The following CAPZA1 variants were observed in gnomAD, a reference collection of about 807,000 sequenced individuals.
CAPZA1 encodes capping actin protein of muscle Z-line subunit alpha 1, also known as F-actin-capping protein subunit alpha-1.
Under a neutral mutation model 40.8 loss-of-function variants are expected in CAPZA1, and 10 were observed. The ratio of observed to expected loss-of-function variants is 0.25; its 90% confidence interval spans 0.15 to 0.42. CAPZA1 has a LOEUF of 0.42. Ranked by LOEUF, CAPZA1 falls within the 10% of genes least tolerant of loss-of-function variation. The pLI is 1.00. For missense variants in CAPZA1, 277 were observed against 353.8 expected, an observed-to-expected ratio of 0.78 and a Z score of 1.74; for synonymous variants, 98 against 115.0, an observed-to-expected ratio of 0.85 and a Z score of 0.95.
chr1:112,645,912 G>A (rs1254824032), intron 1 of CAPZA1, among the ~76,000 whole-genome samples: 1 of 151,454 alleles, frequency 6.6e-6, no homozygotes, highest in African/African-American at 2.4e-5. Flanking sequence ...AGTGAGCTAT[G>A]ATCACACCAC....
intron 1 of CAPZA1, among the ~76,000 whole-genome samples, chr1:112,625,619 C>T (rs1481514475): frequency 2.0e-5 from 3 of 152,140 alleles, no homozygotes; most frequent in African/African-American, 7.2e-5. Flanking sequence ...CAGTGATTGA[C>T]ATAAGAAAGT....
At chr1:112,646,364 G>T (rs1334158772) in intron 1 of CAPZA1, among the ~76,000 whole-genome samples, 2 of 152,296 alleles carry the variant, frequency 1.3e-5, no homozygotes, top group African/African-American at 4.8e-5. Context: ...AGGATCACCT[G>T]AACCTAGGAG....
chr1:112,646,230 C>G (rs1267196074), intron 1 of CAPZA1, among the ~76,000 whole-genome samples: 4 of 152,254 alleles, frequency 2.6e-5, no homozygotes, highest in Admixed American at 2.0e-4. Context: ...CTTGTGCCCT[C>G]TAATACAGTG....
At chr1:112,645,450 C>A (rs1671261111) in intron 1 of CAPZA1, among the ~76,000 whole-genome samples, 1 of 151,850 alleles carries the variant, frequency 6.6e-6, no homozygotes, top group South Asian at 2.1e-4. Context: ...TATAGTGAGA[C>A]CCTCTCTCTG....
At chr1:112,642,652 T>A (rs1671195177) in intron 1 of CAPZA1, among the ~76,000 whole-genome samples, 1 of 152,176 alleles carries the variant, frequency 6.6e-6, no homozygotes, top group South Asian at 2.1e-4. Context: ...TTATCCAGTC[T>A]TCGGTCTTTA....
intron 1 of CAPZA1, among the ~76,000 whole-genome samples, chr1:112,624,475 G>A (rs992854373): frequency 6.6e-6 from 1 of 151,858 alleles, no homozygotes; most frequent in Non-Finnish European, 1.5e-5. Flanking sequence ...AGGTGTGGTG[G>A]TGCATGTCTG....
chr1:112,649,593 A>G lies in CAPZA1; in HGVS notation c.155+124A>G, dbSNP rs116829342. ...CAAAGTAAAGCAGTTGGTTTTAGCA[A>G]TTTTCGTTGTTTTTTTTAATTGGAG... On this transcript the variant is annotated intron_variant, in intron 3 of 9. Transcript: ENST00000263168. 1.8e-3 allele frequency: 1,397 copies of G among 785,414 alleles called. 10 individuals are homozygous for G. The African/African-American group carries it at 0.019, about 10-fold the overall frequency. 48.7% of individuals were successfully genotyped at this position (785,414 alleles called of 1,614,324 possible).
At chr1:112,659,481 A>T (rs188628530) in intron 6 of CAPZA1, 60 of 550,826 alleles carry the variant, frequency 1.1e-4, no homozygotes, top group Non-Finnish European at 1.9e-4. Context: ...GAAAGACAAA[A>T]TAACTTAGAA....
intron 1 of CAPZA1, among the ~76,000 whole-genome samples, chr1:112,632,321 C>CA (rs1455982169): frequency 6.6e-6 from 1 of 152,024 alleles, no homozygotes; most frequent in Non-Finnish European, 1.5e-5. Flanking sequence ...AAGACTATTA[C>CA]AATAGGGGAG....
intron 1 of CAPZA1, among the ~76,000 whole-genome samples, chr1:112,627,615 C>T (rs1397086532): frequency 8.2e-5 from 9 of 109,456 alleles, no homozygotes; most frequent in African/African-American, 2.6e-4. Context: ...CTGGCCTGGC[C>T]GACAGTGCGA....
At chr1:112,667,674 C>A (rs968192013) in intron 8 of CAPZA1, among the ~76,000 whole-genome samples, 1 of 151,972 alleles carries the variant, frequency 6.6e-6, no homozygotes, top group Admixed American at 6.6e-5. Context: ...GCTGGGACCA[C>A]AGGTGCATGC....
In CAPZA1 at chr1:112,670,734, T is replaced by TG. The variant is rs1671814167; in HGVS notation, c.*606dup. 6.5e-6 allele frequency: 1 copy of TG among 152,694 alleles called. No homozygotes were observed. Among genetic ancestry groups the TG allele is most frequent in the South Asian group, 2.1e-4 (1 of 4,830 alleles). The allele number at this position is 152,694 out of a possible 1,614,324, so 9.5% of individuals were successfully genotyped here. A position where few individuals can be genotyped will look rare whatever the true frequency, so the allele number is the denominator to read the frequency against. On this transcript the variant is annotated 3_prime_UTR_variant, in exon 10 of 10. Coordinates refer to ENST00000263168, the MANE Select transcript of CAPZA1 (RefSeq NM_006135.3). Reference sequence around the variant, plus strand: ...AGGGCAAAGGAAGTGCCAGCTTCTCTGGGGAACTTGTTTTTAAATCCAAAG... The same window carrying TG: ...AGGGCAAAGGAAGTGCCAGCTTCTCTGGGGGAACTTGTTTTTAAATCCAAAG...
At chr1:112,656,666 C>T (rs1303418751) in intron 5 of CAPZA1, among the ~76,000 whole-genome samples, 1 of 151,756 alleles carries the variant, frequency 6.6e-6, no homozygotes, top group African/African-American at 2.4e-5. Context: ...ACCAAATAAC[C>T]CTACTGTGTC....
At chr1:112,623,254 G>A (rs575433455) in intron 1 of CAPZA1, among the ~76,000 whole-genome samples, 2 of 152,256 alleles carry the variant, frequency 1.3e-5, no homozygotes, top group African/African-American at 4.8e-5. Flanking sequence ...ACCATTGTAG[G>A]ATAAAGCAAG....
chr1:112,643,834 A>C (rs1671228104), intron 1 of CAPZA1, among the ~76,000 whole-genome samples: 1 of 152,068 alleles, frequency 6.6e-6, no homozygotes. Flanking sequence ...TAAAGTTGTA[A>C]AGTATTTCTG....
chr1:112,665,178 G>GTT (rs55776312), intron 7 of CAPZA1, among the ~76,000 whole-genome samples: 1,611 of 128,908 alleles, frequency 0.012, 42 homozygotes, highest in Admixed American at 0.019. Context: ...GTTTTTTTGT[G>GTT]TTTTTTTTTT....
intron 1 of CAPZA1, among the ~76,000 whole-genome samples, chr1:112,640,222 G>A (rs1199094985): frequency 4.9e-5 from 5 of 101,542 alleles, no homozygotes; most frequent in East Asian, 3.3e-4. Flanking sequence ...CAGCCGCCCC[G>A]TCCGGGAGGT....
intron 9 of CAPZA1, among the ~76,000 whole-genome samples, 157 bp from the exon 10 acceptor site, chr1:112,669,835 C>G (rs1264842050): frequency 6.6e-6 from 1 of 152,176 alleles, no homozygotes; most frequent in Non-Finnish European, 1.5e-5. Flanking sequence ...AACTTCTTGA[C>G]CTACTTCAGA....
chr1:112,638,897 C>CATAGATATAGATAT (rs1671073593), intron 1 of CAPZA1, among the ~76,000 whole-genome samples: 1 of 139,118 alleles, frequency 7.2e-6, no homozygotes, highest in South Asian at 2.2e-4. Context: ...AGCGAGACTC[C>CATAGATATAGATAT]ATAGATATAG....
Sources: gnomAD v4.1 joint callset for allele counts (sites outside exome capture counted in the v4.1 genomes callset) on GRCh38, gnomAD v4.1.1 for gene constraint, MANE v1.5 for transcripts, NCBI Gene and HGNC (gene_info 2026-07-23, HGNC 2026-07-21) for gene names.